TMEM161B: variants seen among roughly 807,000 people sequenced by gnomAD.
TMEM161B encodes transmembrane protein 161B.
In TMEM161B, 34 loss-of-function variants were observed where a neutral mutation model predicts 61.8. That is an observed-to-expected ratio of 0.55 (90% CI 0.42 to 0.73). TMEM161B has a LOEUF of 0.73. TMEM161B is among the 30% of genes least tolerant of loss of function. The pLI, the probability that TMEM161B is intolerant of heterozygous loss-of-function variation, is 0.00. For synonymous variants in TMEM161B, 167 were observed against 192.8 expected (o/e 0.87, Z 1.11); for missense variants, 456 against 558.5 (o/e 0.82, Z 1.85).
At position 88,199,163 on chromosome 5, in the gene TMEM161B, A is replaced by T. The variant is rs576550087; in HGVS notation, c.915-13T>A. Reference sequence around the variant, plus strand: ...GGCTTCTGTCATTCTACAGATCAAAAAGTTGATACGGTGCTCTCAAAGACA... The same window carrying T: ...GGCTTCTGTCATTCTACAGATCAAATAGTTGATACGGTGCTCTCAAAGACA... On this transcript the variant is annotated splice_polypyrimidine_tract_variant and intron_variant, in intron 9 of 11. Transcript: ENST00000296595. 2.3e-5 allele frequency: 37 copies of T among 1,593,464 alleles called. No individual in the cohort carries two copies. In the South Asian group the frequency reaches 3.9e-4, roughly 17 times the overall value.
Position 88,202,985 on chromosome 5 carries a change from T to C in TMEM161B, c.891A>G (p.Pro297=). 3.1e-6 allele frequency: 5 copies of C among 1,610,566 alleles called. No individual in the cohort carries two copies. The highest frequency in any genetic ancestry group is 4.2e-6 in the Non-Finnish European group (5 of 1,177,030). The change falls in exon 9 of 12, where the codon CCA becomes CCG. Residue 297 remains proline (P), a synonymous_variant. Transcript: ENST00000296595. ...PITKDYIMNP[P]LGKESIPLMT... is the part of the protein sequence containing the mutation. ...ACAAAGGGATACTTTCTTTGCCCAG[T>C]GGTGGGTTCATAATGTAGTCTTTGG... is the stretch of plus-strand genomic sequence containing the variant.
intron 5 of TMEM161B, among the ~76,000 whole-genome samples, chr5:88,215,080 A>G (rs895031485): frequency 6.6e-6 from 1 of 152,202 alleles, no homozygotes; most frequent in Non-Finnish European, 1.5e-5. Flanking sequence ...GAAGTTAAAT[A>G]CTTTGCTTCC....
chr5:88,212,139 G>C (rs1284361454), intron 5 of TMEM161B, among the ~76,000 whole-genome samples: 1 of 152,192 alleles, frequency 6.6e-6, no homozygotes, highest in Non-Finnish European at 1.5e-5. Flanking sequence ...TTTCAAGGTT[G>C]AGGACAATGG....
chr5:88,260,849 A>T (rs1373566499), intron 1 of TMEM161B, among the ~76,000 whole-genome samples: 1 of 152,240 alleles, frequency 6.6e-6, no homozygotes, highest in African/African-American at 2.4e-5. Flanking sequence ...AAAGTAGCAA[A>T]AGTTTAAGTT....
In TMEM161B at chr5:88,195,142, T is replaced by C; in HGVS notation, c.*1069A>G. 1.0e-6 allele frequency: 1 copy of C among 985,366 alleles called. No individual in the cohort carries two copies. Among genetic ancestry groups the C allele is most frequent in the African/African-American group, 1.7e-5 (1 of 57,334 alleles). The allele number at this position is 985,366 out of a possible 1,614,324, so 61.0% of individuals were successfully genotyped here. ...AGAATTTTAATTTGGGAGAAACCAT[T>C]AAGCGTCCATAAAACTTTAAATACA... is the stretch of plus-strand genomic sequence containing the variant. On this transcript the variant is annotated 3_prime_UTR_variant, in exon 12 of 12. Transcript: ENST00000296595.
chr5:88,252,266 A>C (rs1754437241), intron 1 of TMEM161B, among the ~76,000 whole-genome samples: 1 of 152,176 alleles, frequency 6.6e-6, no homozygotes, highest in African/African-American at 2.4e-5. Context: ...AACTTACTAA[A>C]TAAAAAGGAA....
In TMEM161B at chr5:88,207,064, A is replaced by C. The variant is rs1745643078; in HGVS notation, c.563T>G (p.Val188Gly). 6.2e-7 allele frequency: 1 copy of C among 1,612,492 alleles called. No individual in the cohort carries two copies. The change falls in exon 6 of 12, where the codon GTA becomes GGA. Residue 188 changes from valine to glycine, a missense_variant. Transcript: ENST00000296595. ...FFVKAMAVLI[V>G]TENYLEFGLE... ...TCCAAATTCCAGATAATTTTCTGTT[A>C]CAATCAACACTGCCATTGCTTTGAC...
Position 88,203,054 on chromosome 5 carries a change from G to T in TMEM161B, c.822C>A (p.Phe274Leu). The change falls in exon 9 of 12, where the codon TTC becomes TTA. Residue 274 changes from phenylalanine to leucine, a missense_variant. By Grantham distance (22) the Phe-to-Leu change is conservative. Transcript: ENST00000296595. ...KITQTLLHIN[F>L]LAPLFMVLLW... ...GCAGAACCATAAATAAAGGTGCCAAGAAGTTGATATGAAGTAAAGTTCTGA... is the reference window on the plus strand; with the variant it reads ...GCAGAACCATAAATAAAGGTGCCAATAAGTTGATATGAAGTAAAGTTCTGA... 1 of 1,604,866 alleles carries T rather than the reference G, an allele frequency of 6.2e-7. No individual in the cohort carries two copies. The highest frequency in any genetic ancestry group is 1.1e-5 in the South Asian group (1 of 90,670).
chr5:88,258,627 A>G (rs1442299234), intron 1 of TMEM161B, among the ~76,000 whole-genome samples: 1 of 152,180 alleles, frequency 6.6e-6, no homozygotes, highest in African/African-American at 2.4e-5. Flanking sequence ...TCATTGTAAA[A>G]AGGCCCAAAA....
downstream of TMEM161B, among the ~76,000 whole-genome samples, chr5:88,191,979 AGTGTAT>A (rs1748943145): frequency 4.7e-5 from 2 of 42,228 alleles, no homozygotes; most frequent in Non-Finnish European, 9.0e-5. Context: ...AAAAAAAAAA[AGTGTAT>A]ATATATATAT....
intron 5 of TMEM161B, 125 bp from the exon 6 acceptor site, chr5:88,207,305 A>T: frequency 1.1e-6 from 1 of 921,448 alleles, no homozygotes; most frequent in Non-Finnish European, 1.6e-6. Flanking sequence ...AGTTTAAAAC[A>T]CTTTTAAATT....
chr5:88,262,973 T>C (rs978089364), intron 1 of TMEM161B, among the ~76,000 whole-genome samples: 3 of 152,194 alleles, frequency 2.0e-5, no homozygotes, highest in Admixed American at 1.3e-4. Flanking sequence ...TATAATCGAT[T>C]ACTATCTTTA....
At chr5:88,203,750 C>CATATAT (rs35091076) in intron 8 of TMEM161B, among the ~76,000 whole-genome samples, 5 of 93,822 alleles carry the variant, frequency 5.3e-5, no homozygotes, top group Non-Finnish European at 7.9e-5. Context: ...ATTTCCCTAT[C>CATATAT]ATATATATAT....
intron 8 of TMEM161B, 122 bp from the exon 9 acceptor site, chr5:88,203,197 T>C: frequency 1.7e-6 from 1 of 600,168 alleles, no homozygotes; most frequent in Non-Finnish European, 2.9e-6. Context: ...CTACTTACGA[T>C]ACTACTGTCA....
At position 88,196,146 on chromosome 5, in the gene TMEM161B, C is replaced by A. The variant is rs1295233694; in HGVS notation, c.*65G>T. ...TTGCTTTCTTCTGGTTTTCATCAGC[C>A]CTTTAAGGGCACAGATATTTTAATT... On this transcript the variant is annotated 3_prime_UTR_variant, in exon 12 of 12. Transcript: ENST00000296595. The A allele has an allele frequency of 6.6e-7, 1 of 1,521,036 alleles. No homozygotes were observed. The highest frequency in any genetic ancestry group is 2.3e-5 in the East Asian group (1 of 44,052). The allele number at this position is 1,521,036 out of a possible 1,614,324, so 94.2% of individuals were successfully genotyped here.
chr5:88,199,868 TG>T (rs1198717859), intron 9 of TMEM161B: 2 of 152,084 alleles, frequency 1.3e-5, no homozygotes, highest in Non-Finnish European at 2.9e-5. Context: ...TAAAAGACCA[TG>T]GGTTTCTGCT....
chr5:88,248,801 T>G (rs1443082640), intron 1 of TMEM161B, among the ~76,000 whole-genome samples: 1 of 151,828 alleles, frequency 6.6e-6, no homozygotes, highest in African/African-American at 2.4e-5. Context: ...AATATATGTA[T>G]AGCTTACCTA....
At chr5:88,240,959 G>A (rs759525924) in intron 1 of TMEM161B, 43 bp from the exon 2 acceptor site, 18 of 1,375,494 alleles carry the variant, frequency 1.3e-5, no homozygotes, top group Non-Finnish European at 1.6e-5. Flanking sequence ...AATGATTTTG[G>A]ATTTGGGGAC....
At chr5:88,263,038 T>A (rs1433759005) in intron 1 of TMEM161B, among the ~76,000 whole-genome samples, 1 of 152,160 alleles carries the variant, frequency 6.6e-6, no homozygotes, top group Non-Finnish European at 1.5e-5. Context: ...TGACAGTAAA[T>A]AAATTTATGG....
Sources: gnomAD v4.1 joint callset for allele counts (sites outside exome capture counted in the v4.1 genomes callset) on GRCh38, gnomAD v4.1.1 for gene constraint, MANE v1.5 for transcripts, NCBI Gene and HGNC (gene_info 2026-07-23, HGNC 2026-07-21) for gene names.